DENND4C: variants seen among roughly 807,000 people sequenced by gnomAD.
DENND4C encodes DENN domain-containing protein 4C.
DENND4C carries 108 observed loss-of-function variants against 203.0 expected under a neutral mutation model. That is an observed-to-expected ratio of 0.53 (90% CI 0.46 to 0.62). DENND4C has a LOEUF of 0.62. Among genes scored for constraint, DENND4C ranks in the 20% least tolerant of loss-of-function variants. The probability of loss-of-function intolerance (pLI) is 0.00; values close to 1 mark genes in which losing one functional copy is unlikely to be tolerated. For missense variants in DENND4C, 2,481 were observed against 2,301.2 expected (o/e 1.08, Z -1.60); for synonymous variants, 871 against 792.4 (o/e 1.10, Z -1.67).
In DENND4C at chr9:19,257,705, C is replaced by T. The variant is rs568519078; in HGVS notation, c.-17-18453C>T. The stretch of plus-strand genomic sequence containing the variant: ...ACTGATATCAGAATTAGAGAGGTGA[C>T]ATCACTACATATTCTAAAGACACTA... On this transcript the variant is annotated intron_variant, in intron 1 of 32. Coordinates refer to ENST00000434457, the MANE Select transcript of DENND4C (RefSeq NM_001330640.2). Among the ~76,000 whole-genome samples, 4 of 152,246 alleles carry T rather than the reference C, an allele frequency of 2.6e-5. No homozygotes were observed. In the South Asian group the frequency reaches 8.3e-4, roughly 32 times the overall value.
At position 19,273,103 on chromosome 9, in the gene DENND4C, C is replaced by G. The variant is rs964454314; in HGVS notation, c.-17-3055C>G. On this transcript the variant is annotated intron_variant, in intron 1 of 32. Transcript: ENST00000434457. The stretch of plus-strand genomic sequence containing the variant: ...AGCTGGGACTACAGGCACCCGCCGC[C>G]ACCATGCCAGGCTAATTTTGTTGTA... 1.4e-4 allele frequency among the ~76,000 whole-genome samples: 22 copies of G among 152,000 alleles called. 2 individuals carry two copies. Among genetic ancestry groups the G allele is most frequent in the Admixed American group, 4.6e-4 (7 of 15,288 alleles).
chr9:19,368,151 T>C (rs149052558), intron 30 of DENND4C, among the ~76,000 whole-genome samples: 1 of 152,208 alleles, frequency 6.6e-6, no homozygotes, highest in East Asian at 1.9e-4. Context: ...TATAGCATAG[T>C]GTGAAGATTA....
chr9:19,291,048 A>G (rs1836190934), intron 5 of DENND4C, among the ~76,000 whole-genome samples, 172 bp downstream of exon 5: 1 of 152,234 alleles, frequency 6.6e-6, no homozygotes, highest in African/African-American at 2.4e-5. Flanking sequence ...CTATCAGGAT[A>G]TTGATACCTC....
chr9:19,367,546 G>T (rs1188564743), intron 30 of DENND4C, among the ~76,000 whole-genome samples: 1 of 152,236 alleles, frequency 6.6e-6, no homozygotes, highest in Non-Finnish European at 1.5e-5. Context: ...GACCAACCTG[G>T]CCAACATGGG....
chr9:19,346,468 T>C lies in DENND4C; in HGVS notation c.3699T>C (p.Ser1233=). 2.5e-6 allele frequency: 4 copies of C among 1,614,084 alleles called. No individual in the cohort carries two copies. The highest frequency in any genetic ancestry group is 3.4e-6 in the Non-Finnish European group (4 of 1,180,012). ...VSKDLRNKRS[S]LYGIAKVVQR... ...AAGATCTGAGGAATAAGAGAAGTAGTTTATATGGTATTGCTAAGGTGGTTC... is the reference window on the plus strand; with the variant it reads ...AAGATCTGAGGAATAAGAGAAGTAGCTTATATGGTATTGCTAAGGTGGTTC... Residue 1233 remains serine, a synonymous_variant, in exon 23 of 33, where the codon AGT becomes AGC. Transcript: ENST00000434457.
Position 19,343,777 on chromosome 9 carries a change from G to T in DENND4C, c.3151+998G>T, listed in dbSNP as rs185436221. Among the ~76,000 whole-genome samples, 3 of 152,298 alleles carry T rather than the reference G, an allele frequency of 2.0e-5. No homozygotes were observed. The East Asian group carries it at 5.8e-4, about 29-fold the overall frequency. On this transcript the variant is annotated intron_variant, in intron 22 of 32. Transcript: ENST00000434457. ...CTCTCAAAATATTGAACTGGACATC[G>T]TCTGTGGACTGTTGTGTTTCCTTCC... is the stretch of plus-strand genomic sequence containing the variant.
At chr9:19,246,138 T>G (rs140966048) in intron 1 of DENND4C, among the ~76,000 whole-genome samples, 4 of 152,206 alleles carry the variant, frequency 2.6e-5, no homozygotes. Flanking sequence ...GTGTTCTGTA[T>G]GTACCATTCT....
intron 9 of DENND4C, among the ~76,000 whole-genome samples, chr9:19,301,691 C>T (rs1323874922): frequency 1.3e-5 from 2 of 152,200 alleles, no homozygotes; most frequent in African/African-American, 4.8e-5. Flanking sequence ...GTAATCCCAG[C>T]ACTTTGGGAG....
intron 1 of DENND4C, among the ~76,000 whole-genome samples, chr9:19,259,505 C>CTTTTTTTTT (rs1021585159): frequency 1.5e-5 from 2 of 131,498 alleles, no homozygotes; most frequent in African/African-American, 2.8e-5. Flanking sequence ...TTTCTTTTTT[C>CTTTTTTTTT]TTTTTTTTTT....
chr9:19,297,658 G>A (rs189314003), intron 6 of DENND4C, among the ~76,000 whole-genome samples: 1 of 152,256 alleles, frequency 6.6e-6, no homozygotes, highest in East Asian at 1.9e-4. Context: ...GAATGGGTAG[G>A]TGGTTCATCC....
chr9:19,276,360 C>T lies in DENND4C; in HGVS notation c.186C>T (p.Thr62=), dbSNP rs1264952911. 8.1e-7 allele frequency: 1 copy of T among 1,231,898 alleles called. No individual in the cohort carries two copies. The highest frequency in any genetic ancestry group is 3.2e-5 in the East Asian group (1 of 31,704). The allele number at this position is 1,231,898 out of a possible 1,614,324, so 76.3% of individuals were successfully genotyped here. A position where few individuals can be genotyped will look rare whatever the true frequency, so the allele number is the denominator to read the frequency against. Residue 62 remains threonine, a synonymous_variant, in exon 2 of 33, where the codon ACC becomes ACT. Transcript: ENST00000434457. ...GAGAAACAGTACCTGAAGGTTACAC[C>T]TGTGTAGAAGCCACTCCATCAGCTC... ...SAGETVPEGY[T]CVEATPSALQ...
intron 1 of DENND4C, among the ~76,000 whole-genome samples, chr9:19,273,631 A>T (rs544388297): frequency 6.6e-6 from 1 of 152,170 alleles, no homozygotes; most frequent in African/African-American, 2.4e-5. Flanking sequence ...TTGAACAGAA[A>T]TTTCCCCAAA....
intron 30 of DENND4C, among the ~76,000 whole-genome samples, chr9:19,367,470 G>A (rs905554784): frequency 1.3e-5 from 2 of 152,192 alleles, no homozygotes. Flanking sequence ...GCGCAGTGGC[G>A]CACGCCTGTA....
At chr9:19,355,806 A>T (rs1007700967) in intron 26 of DENND4C, among the ~76,000 whole-genome samples, 1 of 152,124 alleles carries the variant, frequency 6.6e-6, no homozygotes, top group Non-Finnish European at 1.5e-5. Context: ...TTTCTTTGAG[A>T]TTTATAGATT....
Position 19,352,172 on chromosome 9 carries a change from G to A in DENND4C, c.4595G>A (p.Cys1532Tyr). 2.5e-6 allele frequency: 4 copies of A among 1,613,288 alleles called. No homozygotes were observed. Among genetic ancestry groups the A allele is most frequent in the Non-Finnish European group, 3.4e-6 (4 of 1,179,492 alleles). ...AGCATGTCTAGCATCTATCAGAATT[G>A]TGCAATGGAGGTAAAAGTTCTATAT... The part of the protein sequence containing the change: ...NTSMSSIYQN[C>Y]AMEVLMSSCS... Residue 1532 changes from cysteine (C) to tyrosine (Y), a missense_variant, in exon 25 of 33, where the codon TGT (cysteine) becomes TAT (tyrosine). Around this residue, in one of 3 missense-constraint regions of DENND4C, gnomAD observed 2,289 missense variants for 2,113.3 expected, o/e 1.08. Coordinates refer to ENST00000434457, the MANE Select transcript of DENND4C (RefSeq NM_001330640.2).
At chr9:19,266,664 A>G (rs1050350001) in intron 1 of DENND4C, among the ~76,000 whole-genome samples, 1 of 152,216 alleles carries the variant, frequency 6.6e-6, no homozygotes, top group South Asian at 2.1e-4. Context: ...GCCCTCAGAA[A>G]TAATACCACA....
At position 19,326,651 on chromosome 9, in the gene DENND4C, A is replaced by G. The variant is rs553296543; in HGVS notation, c.2120+457A>G. 5.3e-5 allele frequency among the ~76,000 whole-genome samples: 8 copies of G among 152,246 alleles called. No homozygotes were observed. The South Asian group carries it at 1.7e-3, about 32-fold the overall frequency. ...GATTTTGTAGTTTTTTTATTGCTAT[A>G]AATTTAATAAACTTAGAAAATCAAA... On this transcript the variant is annotated intron_variant, in intron 15 of 32. Transcript: ENST00000434457.
intron 10 of DENND4C, among the ~76,000 whole-genome samples, chr9:19,307,033 C>T (rs1467493154): frequency 6.6e-6 from 1 of 152,050 alleles, no homozygotes; most frequent in Non-Finnish European, 1.5e-5. Flanking sequence ...ATCCACCCAC[C>T]TTGGCCTCCC....
At chr9:19,277,889 C>T (rs1564112106) in intron 2 of DENND4C, among the ~76,000 whole-genome samples, 1 of 151,960 alleles carries the variant, frequency 6.6e-6, no homozygotes, top group Non-Finnish European at 1.5e-5. Context: ...TTGTCAGATG[C>T]CTTTTGTCAA....
Sources: allele counts gnomAD v4.1 joint callset (sites outside exome capture counted in the v4.1 genomes callset), GRCh38; gene constraint gnomAD v4.1.1; regional missense constraint gnomAD v4.1.1; transcripts MANE v1.5; gene names NCBI Gene and HGNC (gene_info 2026-07-23, HGNC 2026-07-21).